The following PLCG1 variants were observed in gnomAD, a reference collection of about 807,000 sequenced individuals.
PLCG1 encodes the protein phospholipase C gamma 1, also known as 1-phosphatidylinositol 4,5-bisphosphate phosphodiesterase gamma-1.
In PLCG1, 71 loss-of-function variants were observed where a neutral mutation model predicts 177.8. The observed-to-expected ratio is 0.40, with a 90% CI of 0.33 to 0.49. The LOEUF (loss-of-function observed/expected upper bound fraction) is 0.49. Among genes scored for constraint, PLCG1 ranks in the 20% least tolerant of loss-of-function variants. The pLI, the probability that PLCG1 is intolerant of heterozygous loss-of-function variation, is 0.72. For synonymous variants in PLCG1, 658 were observed against 647.9 expected (o/e 1.02, Z -0.24); for missense variants, 1,281 against 1,709.0 (o/e 0.75, Z 4.42).
chr20:41,166,603 G>A lies in PLCG1; in HGVS notation c.2120+8G>A, dbSNP rs747422403. On this transcript the variant is annotated splice_region_variant and intron_variant, in intron 18 of 31. Transcript: ENST00000685551. This position sits in a 1 kb window ranked among gnomAD's most constrained non-coding sequence, Gnocchi z 8.6. ...ATATGCCATCTCTTTCCGGTGAGGG[G>A]TGTGGCACTGGGTTGTGGGGCCTTG... is the stretch of plus-strand genomic sequence containing the variant. 4 of 1,614,178 alleles carry A rather than the reference G, an allele frequency of 2.5e-6. No individual in the cohort carries two copies. The highest frequency in any genetic ancestry group is 2.2e-5 in the South Asian group (2 of 91,080).
chr20:41,170,603 T>G, intron 24 of PLCG1: 1 of 239,952 alleles, frequency 4.2e-6, no homozygotes, highest in Non-Finnish European at 8.1e-6. Context: ...AGGGATGAGG[T>G]GGTGTCGCAT....
In PLCG1 at chr20:41,164,289, G is replaced by A; in HGVS notation, c.1217+88G>A. 7.5e-7 allele frequency: 1 copy of A among 1,341,368 alleles called. No individual in the cohort carries two copies. The highest frequency in any genetic ancestry group is 1.1e-6 in the Non-Finnish European group (1 of 945,844). 83.1% of individuals were successfully genotyped at this position (1,341,368 alleles called of 1,614,324 possible). A position where few individuals can be genotyped will look rare whatever the true frequency, so the allele number is the denominator to read the frequency against. ...CAGAGGGCAGAAAGACTCCTCAAAT[G>A]CCCTGTCCCCTCTCCCTCAGCCTTT... On this transcript the variant is annotated intron_variant, in intron 12 of 31. Transcript: ENST00000685551. This position sits in a 1 kb window ranked among gnomAD's most constrained non-coding sequence, Gnocchi z 6.4.
Position 41,147,989 on chromosome 20 carries a change from T to C in PLCG1, c.217+10131T>C, listed in dbSNP as rs905790286. 6.6e-6 allele frequency among the ~76,000 whole-genome samples: 1 copy of C among 150,882 alleles called. No homozygotes were observed. Among genetic ancestry groups the C allele is most frequent in the African/African-American group, 2.4e-5 (1 of 40,934 alleles). On this transcript the variant is annotated intron_variant, in intron 1 of 31. Coordinates refer to ENST00000685551, the MANE Select transcript of PLCG1 (RefSeq NM_002660.3). The surrounding 1 kb of genome is among the most constrained non-coding windows in gnomAD (Gnocchi z 4.0). ...AGGAAGCAAAAAGGGAACAGGAGAG[T>C]GGCTTGGCTTGGGCTGGCATGGCGC...
In PLCG1 at chr20:41,164,184, T is replaced by G. The variant is rs1427537988; in HGVS notation, c.1200T>G (p.His400Gln). 2 of 1,613,954 alleles carry G rather than the reference T, an allele frequency of 1.2e-6. No homozygotes were observed. Among genetic ancestry groups the G allele is most frequent in the Non-Finnish European group, 1.7e-6 (2 of 1,180,014 alleles). ...FSDVLHTIKE[H>Q]AFVASEYPVI... is the part of the protein sequence containing the mutation. Reference sequence around the variant, plus strand: ...ATGTCCTGCACACCATCAAGGAGCATGCCTTTGTGGCCTCAGAGTGAGTCG... The same window carrying G: ...ATGTCCTGCACACCATCAAGGAGCAGGCCTTTGTGGCCTCAGAGTGAGTCG... Residue 400 changes from histidine (H) to glutamine (Q), a missense_variant, in exon 12 of 32, where the codon CAT (histidine) becomes CAG (glutamine). Coordinates refer to ENST00000685551, the MANE Select transcript of PLCG1 (RefSeq NM_002660.3). This position sits in a 1 kb window ranked among gnomAD's most constrained non-coding sequence, Gnocchi z 6.4.
intron 1 of PLCG1, among the ~76,000 whole-genome samples, chr20:41,158,399 G>C (rs2035388793): frequency 6.6e-6 from 1 of 152,180 alleles, no homozygotes; most frequent in African/African-American, 2.4e-5. Context: ...CATAGCTGTT[G>C]GCTAAGCCAA....
rs2035239719 is a variant in PLCG1, at chr20:41,153,863, T to G, written c.218-5743T>G. ...GTGAACCGAGATTGCACCACTGCAC[T>G]CCAGCCTGGGCAACAGAGCGAGACA... On this transcript the variant is annotated intron_variant, in intron 1 of 31. Transcript: ENST00000685551. The surrounding 1 kb of genome is among the most constrained non-coding windows in gnomAD (Gnocchi z 5.1). Among the ~76,000 whole-genome samples, 1 of 152,170 alleles carries G rather than the reference T, an allele frequency of 6.6e-6. No homozygotes were observed. The highest frequency in any genetic ancestry group is 1.5e-5 in the Non-Finnish European group (1 of 68,028).
rs753134987 is a variant in PLCG1 at position 41,166,849 on chromosome 20, T to C, written c.2291T>C (p.Ile764Thr). Reference protein sequence around the residue: ...YPINEEALEKIGTAEPDYGAL... With the variant: ...YPINEEALEKTGTAEPDYGAL... ...ATCAACGAGGAGGCACTGGAGAAGA[T>C]TGGCACAGCTGTGAGGGGGCTGTGG... Residue 764 changes from isoleucine (I) to threonine (T), a missense_variant, in exon 19 of 32, where the codon ATT becomes ACT. Ile to Thr is a moderately conservative substitution (Grantham distance 89). Around this residue, in one of 4 missense-constraint regions of PLCG1, gnomAD observed 723 missense variants for 1,030.0 expected, o/e 0.70. Coordinates refer to ENST00000685551, the MANE Select transcript of PLCG1 (RefSeq NM_002660.3). This position sits in a 1 kb window ranked among gnomAD's most constrained non-coding sequence, Gnocchi z 8.6. 1.9e-5 allele frequency: 31 copies of C among 1,613,954 alleles called. No homozygotes were observed. The highest frequency in any genetic ancestry group is 2.5e-5 in the Non-Finnish European group (30 of 1,179,954).
In PLCG1 at chr20:41,168,771, C is replaced by T. The variant is rs746162548; in HGVS notation, c.2384C>T (p.Ala795Val). Residue 795 changes from alanine to valine, a missense_variant, in exon 21 of 32, where the codon GCA becomes GTA. Transcript: ENST00000685551. ...TGGTGCTTCTCACCTCTGCAGTGTG[C>T]AGTCAAAGCCCTCTTTGACTACAAG... is the stretch of plus-strand genomic sequence containing the variant. The part of the protein sequence containing the change: ...EANPMPTFKC[A>V]VKALFDYKAQ... The T allele has an allele frequency of 6.3e-6, 10 of 1,592,268 alleles. No homozygotes were observed. Among genetic ancestry groups the T allele is most frequent in the Non-Finnish European group, 7.8e-6 (9 of 1,161,270 alleles).
Position 41,174,465 on chromosome 20 carries a change from A to AGG in PLCG1, c.3834_3835dup. 1 of 1,590,062 alleles carries AGG rather than the reference A, an allele frequency of 6.3e-7. No homozygotes were observed. Among genetic ancestry groups the AGG allele is most frequent in the Non-Finnish European group, 8.6e-7 (1 of 1,166,702 alleles). ...GTAAGGACACTCTTCCCTTCTGTCC[A>AGG]GGGCCCCAAGAAGGACTCGGGTCAA... On this transcript the variant is annotated splice_acceptor_variant, in intron 31 of 31. Transcript: ENST00000685551. LOFTEE classifies it high-confidence loss of function. The surrounding 1 kb of genome is among the most constrained non-coding windows in gnomAD (Gnocchi z 5.8).
chr20:41,172,382 G>A lies in PLCG1; in HGVS notation c.2906-39G>A. The A allele has an allele frequency of 3.1e-6, 5 of 1,597,018 alleles. No individual in the cohort carries two copies. The highest frequency in any genetic ancestry group is 4.3e-6 in the Non-Finnish European group (5 of 1,164,430). On this transcript the variant is annotated intron_variant, in intron 25 of 31. Coordinates refer to ENST00000685551, the MANE Select transcript of PLCG1 (RefSeq NM_002660.3). This position sits in a 1 kb window ranked among gnomAD's most constrained non-coding sequence, Gnocchi z 7.0. ...TAGGTATCCCCCCAACACTTCCTGGGTGGGCGGGCTCTGTAAGTGTTTTCC... is the reference window on the plus strand; with the variant it reads ...TAGGTATCCCCCCAACACTTCCTGGATGGGCGGGCTCTGTAAGTGTTTTCC...
intron 21 of PLCG1, 92 bp from the exon 22 acceptor site, chr20:41,168,987 C>G: frequency 8.2e-7 from 1 of 1,213,078 alleles, no homozygotes; most frequent in Non-Finnish European, 1.2e-6. Flanking sequence ...CTGCCTCACC[C>G]TGGCTTAGGC....
In PLCG1 at chr20:41,162,730, A is replaced by C. The variant is rs1292145868; in HGVS notation, c.681+5A>C. 1 of 1,608,096 alleles carries C rather than the reference A, an allele frequency of 6.2e-7. No homozygotes were observed. The highest frequency in any genetic ancestry group is 1.3e-5 in the African/African-American group (1 of 74,820). On this transcript the variant is annotated splice_donor_5th_base_variant and intron_variant, in intron 6 of 31. Transcript: ENST00000685551. Reference sequence around the variant, plus strand: ...ATGTACAGCGCCCAGAAGACGGTGCATGAGCCACCTGCCCTCCCTCAACCC... The same window carrying C: ...ATGTACAGCGCCCAGAAGACGGTGCCTGAGCCACCTGCCCTCCCTCAACCC...
chr20:41,158,655 T>A (rs1017394391), intron 1 of PLCG1, among the ~76,000 whole-genome samples: 1 of 152,236 alleles, frequency 6.6e-6, no homozygotes, highest in African/African-American at 2.4e-5. Context: ...GTTACTCTTA[T>A]GTTACTCTCT....
Position 41,170,179 on chromosome 20 carries a change from C to T in PLCG1, c.2718C>T (p.His906=), listed in dbSNP as rs1484056614. Residue 906 remains histidine (H), a synonymous_variant, in exon 24 of 32, where the codon CAC becomes CAT. Coordinates refer to ENST00000685551, the MANE Select transcript of PLCG1 (RefSeq NM_002660.3). ...VFSISMASVA[H]WSLDVAADSQ... ...CCATCAGCATGGCGTCGGTGGCCCA[C>T]TGGTCCCTGGATGTTGCTGCCGACT... is the stretch of plus-strand genomic sequence containing the variant. 1 of 1,614,118 alleles carries T rather than the reference C, an allele frequency of 6.2e-7. No individual in the cohort carries two copies. Among genetic ancestry groups the T allele is most frequent in the Non-Finnish European group, 8.5e-7 (1 of 1,179,986 alleles).
chr20:41,167,030 G>A lies in PLCG1; in HGVS notation c.2301+171G>A, dbSNP rs968869530. Reference sequence around the variant, plus strand: ...GTGGGTACCAGGAGGGTGTCTGCAGGAGGGGACATCTGAGCAGCATCTTTA... The same window carrying A: ...GTGGGTACCAGGAGGGTGTCTGCAGAAGGGGACATCTGAGCAGCATCTTTA... On this transcript the variant is annotated intron_variant, in intron 19 of 31. Transcript: ENST00000685551. The surrounding 1 kb of genome is among the most constrained non-coding windows in gnomAD (Gnocchi z 4.4). 5 of 643,136 alleles carry A rather than the reference G, an allele frequency of 7.8e-6. No individual in the cohort carries two copies. Among genetic ancestry groups the A allele is most frequent in the Admixed American group, 2.6e-5 (1 of 37,782 alleles). 39.8% of individuals were successfully genotyped at this position (643,136 alleles called of 1,614,324 possible).
In PLCG1 at chr20:41,151,330, C is replaced by T. The variant is rs1031710393; in HGVS notation, c.218-8276C>T. ...TATGACCATGACAAGACCCTTTGGA[C>T]CCTCTGTTTCCTCATTGTTTCAAAG... On this transcript the variant is annotated intron_variant, in intron 1 of 31. Transcript: ENST00000685551. The surrounding 1 kb of genome is among the most constrained non-coding windows in gnomAD (Gnocchi z 5.5). 6.6e-6 allele frequency among the ~76,000 whole-genome samples: 1 copy of T among 152,172 alleles called. No individual in the cohort carries two copies. The highest frequency in any genetic ancestry group is 2.4e-5 in the African/African-American group (1 of 41,432).
Position 41,163,215 on chromosome 20 carries a change from G to A in PLCG1, c.729G>A (p.Arg243=), listed in dbSNP as rs1469705694. 2.6e-6 allele frequency: 4 copies of A among 1,545,970 alleles called. No individual in the cohort carries two copies. Among genetic ancestry groups the A allele is most frequent in the Non-Finnish European group, 3.5e-6 (4 of 1,148,292 alleles). The change falls in exon 8 of 32, where the codon CGG becomes CGA. Residue 243 remains arginine, a synonymous_variant. Transcript: ENST00000685551. The surrounding 1 kb of genome is among the most constrained non-coding windows in gnomAD (Gnocchi z 5.2). ...TCTCTCCCTGCAGGGCTGGGGAGCG[G>A]CCGGAGCTTTGCCGAGTGTCCCTTC... ...LEASTLRAGE[R]PELCRVSLPE...
chr20:41,165,431 C>T lies in PLCG1; in HGVS notation c.1510-19C>T. 3 of 1,613,912 alleles carry T rather than the reference C, an allele frequency of 1.9e-6. No homozygotes were observed. The highest frequency in any genetic ancestry group is 2.5e-6 in the Non-Finnish European group (3 of 1,179,862). On this transcript the variant is annotated intron_variant, in intron 14 of 31. Transcript: ENST00000685551. The surrounding 1 kb of genome is among the most constrained non-coding windows in gnomAD (Gnocchi z 6.6). ...GTGTGAGGACCCTGGCTCACAAGTC[C>T]CTCTTTGGTCTGTTCCAGGAATGGT...
intron 5 of PLCG1, 31 bp downstream of exon 5, chr20:41,162,567 G>A (rs745422174): frequency 1.7e-5 from 28 of 1,610,906 alleles, no homozygotes; most frequent in Middle Eastern, 1.7e-4. Context: ...TCTGTAGATG[G>A]GGGCAGGGGA....
Sources: allele counts gnomAD v4.1 joint callset (sites outside exome capture counted in the v4.1 genomes callset), GRCh38; gene constraint gnomAD v4.1.1; regional missense constraint gnomAD v4.1.1; non-coding constraint Gnocchi (gnomAD v3.1); transcripts MANE v1.5; gene names NCBI Gene and HGNC (gene_info 2026-07-23, HGNC 2026-07-21).